FHIT: variants seen among roughly 807,000 people sequenced by gnomAD.
The protein encoded by FHIT is fragile histidine triad diadenosine triphosphatase, also known as bis(5'-adenosyl)-triphosphatase.
FHIT carries 19 observed loss-of-function variants against 17.9 expected under a neutral mutation model. The observed-to-expected ratio is 1.06, with a 90% CI of 0.74 to 1.56. The LOEUF (loss-of-function observed/expected upper bound fraction) is 1.56, where lower values mean the gene tolerates loss of function less well. Ranked by LOEUF, FHIT falls within the 40% of genes most tolerant of loss-of-function variation. The pLI, the probability that FHIT is intolerant of heterozygous loss-of-function variation, is 0.00. For synonymous variants in FHIT, 81 were observed against 69.7 expected, an observed-to-expected ratio of 1.16 and a Z score of -0.81; for missense variants, 248 against 189.2, an observed-to-expected ratio of 1.31 and a Z score of -1.82.
chr3:59,922,901 A>T (rs557372897), intron 7 of FHIT, among the ~76,000 whole-genome samples: 12 of 152,296 alleles, frequency 7.9e-5, no homozygotes, highest in African/African-American at 2.9e-4. Flanking sequence ...CTCATTTAGT[A>T]AGCATTTATT....
intron 5 of FHIT, among the ~76,000 whole-genome samples, chr3:60,506,930 C>T (rs1177877912): frequency 6.6e-6 from 1 of 152,100 alleles, no homozygotes; most frequent in Non-Finnish European, 1.5e-5. Flanking sequence ...GTCTTAATTA[C>T]TTCATTTAAT....
At chr3:61,207,872 G>C (rs936550530) in intron 1 of FHIT, among the ~76,000 whole-genome samples, 1 of 151,952 alleles carries the variant, frequency 6.6e-6, no homozygotes, top group Non-Finnish European at 1.5e-5. Context: ...GTTGAGTGTT[G>C]CTCTTGCTTC....
chr3:59,834,323 C>A (rs1701265070), intron 8 of FHIT, among the ~76,000 whole-genome samples: 1 of 152,028 alleles, frequency 6.6e-6, no homozygotes, highest in Non-Finnish European at 1.5e-5. Context: ...TTACACTGTG[C>A]CTGGCAGAGT....
intron 4 of FHIT, among the ~76,000 whole-genome samples, chr3:60,786,381 T>G (rs186300963): frequency 6.6e-6 from 1 of 152,310 alleles, no homozygotes; most frequent in Admixed American, 6.5e-5. Context: ...AAACAAAATT[T>G]TGAAAGTTAT....
intron 5 of FHIT, among the ~76,000 whole-genome samples, chr3:60,200,324 G>A (rs968231396): frequency 6.6e-6 from 1 of 152,068 alleles, no homozygotes; most frequent in African/African-American, 2.4e-5. Flanking sequence ...GCCATCTAAT[G>A]AGCTAAATGA....
intron 5 of FHIT, among the ~76,000 whole-genome samples, chr3:60,029,084 A>C (rs1164710764): frequency 6.6e-6 from 1 of 152,222 alleles, no homozygotes; most frequent in East Asian, 1.9e-4. Context: ...AGTGTTTCTA[A>C]TGTTTTAAAT....
intron 5 of FHIT, among the ~76,000 whole-genome samples, chr3:60,449,866 G>T (rs1262386543): frequency 6.6e-6 from 1 of 151,826 alleles, no homozygotes; most frequent in Non-Finnish European, 1.5e-5. Context: ...AGCTAGGTCT[G>T]GTGGCACACG....
At chr3:60,885,249 C>G (rs1448065112) in intron 3 of FHIT, among the ~76,000 whole-genome samples, 1 of 152,004 alleles carries the variant, frequency 6.6e-6, no homozygotes, top group East Asian at 1.9e-4. Context: ...GCTGGATATC[C>G]TAATTACCTT....
At chr3:60,040,156 TA>T (rs1461282923) in intron 5 of FHIT, among the ~76,000 whole-genome samples, 1 of 119,550 alleles carries the variant, frequency 8.4e-6, no homozygotes, top group East Asian at 2.1e-4. Context: ...TTTATTTATT[TA>T]TTTTTTTGAG....
intron 4 of FHIT, among the ~76,000 whole-genome samples, chr3:60,721,796 T>TA (rs1213459230): frequency 6.6e-6 from 1 of 152,078 alleles, no homozygotes; most frequent in South Asian, 2.1e-4. Context: ...AAAGGCACTA[T>TA]AAAAAAGAGT....
At chr3:60,894,980 T>C (rs1050604635) in intron 3 of FHIT, among the ~76,000 whole-genome samples, 3 of 152,220 alleles carry the variant, frequency 2.0e-5, no homozygotes, top group Non-Finnish European at 4.4e-5. Context: ...ACTTTAACGT[T>C]GATAGAATAC....
In FHIT at chr3:60,309,822, C is replaced by A. The variant is rs542155211; in HGVS notation, c.103+227038G>T. Among the ~76,000 whole-genome samples, 293 of 152,226 alleles carry A rather than the reference C, an allele frequency of 1.9e-3. 2 individuals carry two copies. The highest frequency in any genetic ancestry group is 6.9e-3 in the African/African-American group (286 of 41,544). On this transcript the variant is annotated intron_variant, in intron 5 of 9. Transcript: ENST00000492590. ...ATACATCCTCGCAGCTCTCCAACTT[C>A]CTCTATCAGCTCAAGTCGCTCCCAC... is the stretch of plus-strand genomic sequence containing the variant.
At chr3:60,504,582 A>G (rs1257758403) in intron 5 of FHIT, among the ~76,000 whole-genome samples, 1 of 152,188 alleles carries the variant, frequency 6.6e-6, no homozygotes, top group Non-Finnish European at 1.5e-5. Context: ...AATACAATAT[A>G]TTGATTGAAG....
chr3:60,613,247 A>G (rs534501376), intron 4 of FHIT, among the ~76,000 whole-genome samples: 2 of 152,182 alleles, frequency 1.3e-5, no homozygotes, highest in Admixed American at 1.3e-4. Flanking sequence ...TCCAAGTCTC[A>G]CTTCACTGAA....
At chr3:60,415,633 T>A (rs1303764825) in intron 5 of FHIT, among the ~76,000 whole-genome samples, 3 of 151,896 alleles carry the variant, frequency 2.0e-5, no homozygotes, top group Non-Finnish European at 2.9e-5. Flanking sequence ...ACTTAAAGTC[T>A]TGTCCACTGA....
chr3:59,859,944 G>C (rs1702336732), intron 8 of FHIT, among the ~76,000 whole-genome samples: 1 of 152,126 alleles, frequency 6.6e-6, no homozygotes, highest in African/African-American at 2.4e-5. Context: ...AATGAGAAGA[G>C]TGCTCTTGTT....
At chr3:60,934,112 G>A (rs1338458681) in intron 3 of FHIT, among the ~76,000 whole-genome samples, 3 of 152,154 alleles carry the variant, frequency 2.0e-5, no homozygotes, top group Non-Finnish European at 4.4e-5. Flanking sequence ...AACCTATTGA[G>A]AGGAATCTTG....
At chr3:60,772,007 A>T (rs1329500092) in intron 4 of FHIT, among the ~76,000 whole-genome samples, 5 of 152,194 alleles carry the variant, frequency 3.3e-5, no homozygotes, top group Non-Finnish European at 7.3e-5. Flanking sequence ...GGCACTGCTG[A>T]CAGGTTCTTA....
chr3:61,196,386 T>G (rs1220357450), intron 2 of FHIT, among the ~76,000 whole-genome samples: 1 of 152,180 alleles, frequency 6.6e-6, no homozygotes, highest in African/African-American at 2.4e-5. Context: ...CTTTATACAC[T>G]GAGGCTACTA....
Sources: allele counts gnomAD v4.1 joint callset (sites outside exome capture counted in the v4.1 genomes callset), GRCh38; gene constraint gnomAD v4.1.1; transcripts MANE v1.5; gene names NCBI Gene and HGNC (gene_info 2026-07-23, HGNC 2026-07-21).